LIPA: variants seen among roughly 807,000 people sequenced by gnomAD.
LIPA encodes the protein lysosomal acid lipase/cholesteryl ester hydrolase.
Under a neutral mutation model 40.6 loss-of-function variants are expected in LIPA, and 26 were observed. The ratio of observed to expected loss-of-function variants is 0.64; its 90% confidence interval spans 0.47 to 0.89. The LOEUF is 0.89. LIPA is among the 40% of genes least tolerant of loss of function. The pLI is 0.00. For synonymous variants in LIPA, 188 were observed against 168.4 expected (o/e 1.12, Z -0.90); for missense variants, 455 against 479.6 (o/e 0.95, Z 0.48).
chr10:89,303,955 C>T (rs147127697), intron 1 of LIPA, among the ~76,000 whole-genome samples: 5 of 152,260 alleles, frequency 3.3e-5, no homozygotes, highest in African/African-American at 1.2e-4. Context: ...CTGAGATGCA[C>T]ATGGAGAAAA....
At chr10:89,271,521 A>G (rs1372234480) in intron 1 of LIPA, among the ~76,000 whole-genome samples, 1 of 152,204 alleles carries the variant, frequency 6.6e-6, no homozygotes, top group Non-Finnish European at 1.5e-5. Flanking sequence ...TGAAGGGAAA[A>G]TGGGGTTGCT....
At chr10:89,360,661 G>A (rs747601992) in intron 2 of LIPA, among the ~76,000 whole-genome samples, 2 of 152,172 alleles carry the variant, frequency 1.3e-5, no homozygotes, top group Admixed American at 6.5e-5. Flanking sequence ...CCCAAGGCAT[G>A]AGCCAGGCAT....
intron 1 of LIPA, among the ~76,000 whole-genome samples, chr10:89,286,781 A>C (rs1393372067): frequency 2.0e-5 from 3 of 152,254 alleles, no homozygotes; most frequent in African/African-American, 7.2e-5. Context: ...GGATTTAATT[A>C]ACCTTGCCTT....
chr10:89,283,470 T>G (rs10887937), intron 1 of LIPA, among the ~76,000 whole-genome samples: 40,128 of 152,098 alleles, frequency 0.26, 6,264 homozygotes, highest in East Asian at 0.65. Flanking sequence ...TAATATTAGC[T>G]AGTGATGACA....
intron 8 of LIPA, among the ~76,000 whole-genome samples, chr10:89,216,250 G>A (rs1299531130): frequency 6.6e-6 from 1 of 151,844 alleles, no homozygotes; most frequent in Non-Finnish European, 1.5e-5. Flanking sequence ...AAGCAGCTAT[G>A]CACATATGCT....
chr10:89,386,096 C>T (rs1267665144), intron 2 of LIPA, among the ~76,000 whole-genome samples: 2 of 152,106 alleles, frequency 1.3e-5, no homozygotes, highest in African/African-American at 4.8e-5. Context: ...TGGCTATTTA[C>T]AAGCACAGTC....
chr10:89,220,029 C>A (rs545347063), intron 8 of LIPA, among the ~76,000 whole-genome samples: 1 of 152,288 alleles, frequency 6.6e-6, no homozygotes, highest in East Asian at 1.9e-4. Context: ...GGAACAAGAC[C>A]AGTAGCCTAG....
chr10:89,383,053 G>T (rs1005857615), intron 2 of LIPA, among the ~76,000 whole-genome samples: 1 of 152,204 alleles, frequency 6.6e-6, no homozygotes, highest in Non-Finnish European at 1.5e-5. Flanking sequence ...TTATTTTGAT[G>T]TTAGCAGAAT....
chr10:89,384,528 T>C (rs143558331), intron 2 of LIPA: 27 of 1,613,944 alleles, frequency 1.7e-5, no homozygotes, highest in South Asian at 1.2e-4. Flanking sequence ...ATTTAAAAGG[T>C]TTGAAAATAG....
chr10:89,352,487 G>A (rs1409952136), intron 2 of LIPA, among the ~76,000 whole-genome samples: 1 of 152,068 alleles, frequency 6.6e-6, no homozygotes, highest in East Asian at 1.9e-4. Flanking sequence ...TGTGTATTTG[G>A]ACACCTCATT....
At chr10:89,281,881 T>G (rs1307679369) in intron 1 of LIPA, among the ~76,000 whole-genome samples, 2 of 152,224 alleles carry the variant, frequency 1.3e-5, no homozygotes, top group Non-Finnish European at 2.9e-5. Flanking sequence ...CTATACATAC[T>G]ATCCCTACTT....
At chr10:89,265,959 C>A (rs1843233543) in intron 1 of LIPA, among the ~76,000 whole-genome samples, 1 of 152,196 alleles carries the variant, frequency 6.6e-6, no homozygotes, top group African/African-American at 2.4e-5. Flanking sequence ...CCTCATGTGA[C>A]AAGTTGCAAT....
chr10:89,351,682 C>T lies in LIPA; in HGVS notation c.61+61109G>A, dbSNP rs1394161696. Among the ~76,000 whole-genome samples the T allele has an allele frequency of 4.6e-5, 7 of 152,196 alleles. No homozygotes were observed. In the East Asian group the frequency reaches 1.3e-3, roughly 29 times the overall value. On this transcript the variant is annotated intron_variant, in intron 2 of 8. Transcript: ENST00000371837. ...TTCTTTTCTTCCTGCAGCAACAAAA[C>T]CAAGATACTTTAGAGTCAGAGAGCC...
chr10:89,374,895 C>T (rs1247736341), intron 2 of LIPA, among the ~76,000 whole-genome samples: 2 of 151,650 alleles, frequency 1.3e-5, no homozygotes, highest in East Asian at 1.9e-4. Context: ...GCTCCCTGAC[C>T]TGAGCCTGAG....
intron 2 of LIPA, among the ~76,000 whole-genome samples, chr10:89,247,239 G>A (rs1843036395): frequency 6.6e-6 from 1 of 151,864 alleles, no homozygotes; most frequent in African/African-American, 2.4e-5. Flanking sequence ...AGGCATGGTG[G>A]TGCATGCCTG....
At chr10:89,372,733 T>G (rs7079179) in intron 2 of LIPA, among the ~76,000 whole-genome samples, 5,167 of 152,322 alleles carry the variant, frequency 0.034, 218 homozygotes, top group African/African-American at 0.099. Flanking sequence ...ACCATGGGAA[T>G]GGCATTGAAC....
At chr10:89,270,433 T>C (rs1490662841) in intron 1 of LIPA, among the ~76,000 whole-genome samples, 1 of 152,222 alleles carries the variant, frequency 6.6e-6, no homozygotes, top group Non-Finnish European at 1.5e-5. Context: ...AAGACACAAG[T>C]GGGTGGGAAA....
chr10:89,272,345 G>A (rs1447561028), intron 1 of LIPA, among the ~76,000 whole-genome samples: 1 of 152,026 alleles, frequency 6.6e-6, no homozygotes, highest in African/African-American at 2.4e-5. Flanking sequence ...GAGAACATGC[G>A]GTATTTGGTT....
intron 2 of LIPA, among the ~76,000 whole-genome samples, chr10:89,381,620 G>A (rs1038766724): frequency 6.6e-6 from 1 of 152,094 alleles, no homozygotes; most frequent in African/African-American, 2.4e-5. Flanking sequence ...ATAGTAGGGA[G>A]TTTTTTAGAT....
Sources: allele counts gnomAD v4.1 joint callset (sites outside exome capture counted in the v4.1 genomes callset), GRCh38; gene constraint gnomAD v4.1.1; transcripts MANE v1.5; gene names NCBI Gene and HGNC (gene_info 2026-07-23, HGNC 2026-07-21).